The following MCM5 variants were observed in gnomAD, a reference collection of about 807,000 sequenced individuals.
MCM5 encodes DNA replication licensing factor MCM5.
A neutral mutation model predicts 79.9 loss-of-function variants in MCM5; 46 were observed. That is an observed-to-expected ratio of 0.58 (90% CI 0.45 to 0.74). The LOEUF (loss-of-function observed/expected upper bound fraction) is 0.74. Ranked by LOEUF, MCM5 falls within the 30% of genes least tolerant of loss-of-function variation. MCM5 has a pLI of 0.00. For missense variants in MCM5, 883 were observed against 1,017.0 expected (o/e 0.87, Z 1.79); for synonymous variants, 404 against 390.5 (o/e 1.03, Z -0.41).
downstream of MCM5, among the ~76,000 whole-genome samples, chr22:35,428,970 CTTTTTTTTT>C (rs35549972): frequency 3.4e-4 from 22 of 65,528 alleles, no homozygotes; most frequent in South Asian, 9.6e-3. Flanking sequence ...TTTCTTTGAC[CTTTTTTTTT>C]TTTTTTTTTT....
rs201459971 is a variant in MCM5 at position 35,419,988 on chromosome 22, G to A, written c.1808G>A (p.Arg603His). ...ARQHERDSDR[R>H]SSIPITVRQL... The stretch of plus-strand genomic sequence containing the variant: ...CAGCACGAGAGGGACAGTGACCGCC[G>A]CTCCAGCATCCCCATCACTGTGCGG... Residue 603 changes from arginine (R) to histidine (H), a missense_variant, in exon 14 of 17, where the codon CGC becomes CAC. Transcript: ENST00000216122. The A allele has an allele frequency of 8.7e-6, 14 of 1,611,920 alleles. No individual in the cohort carries two copies. In the African/African-American group the frequency reaches 1.3e-4, roughly 15 times the overall value.
rs1207970654 is a variant in MCM5, at chr22:35,424,144, G to A, written c.2104-10G>A. ...AGCACGTGCCGTTAGCCAGCCATGT[G>A]CTCCCACAGAAATACCCGGAGCACG... is the stretch of plus-strand genomic sequence containing the variant. On this transcript the variant is annotated splice_polypyrimidine_tract_variant and intron_variant, in intron 16 of 16. Coordinates refer to ENST00000216122, the MANE Select transcript of MCM5 (RefSeq NM_006739.4). The A allele has an allele frequency of 6.5e-7, 1 of 1,542,288 alleles. No individual in the cohort carries two copies. Among genetic ancestry groups the A allele is most frequent in the South Asian group, 1.2e-5 (1 of 83,532 alleles).
intron 16 of MCM5, 21 bp downstream of exon 16, chr22:35,423,362 G>C: frequency 6.3e-7 from 1 of 1,578,918 alleles, no homozygotes; most frequent in Non-Finnish European, 8.6e-7. Flanking sequence ...CTTGGAGTGG[G>C]GGTGTGAGCC....
At chr22:35,423,964 T>A (rs540027651) in intron 16 of MCM5, 190 bp from the exon 17 acceptor site, 1 of 548,036 alleles carries the variant, frequency 1.8e-6, no homozygotes, top group Non-Finnish European at 3.3e-6. Flanking sequence ...TCTTAATTGC[T>A]GTGACCTTGA....
At position 35,407,180 on chromosome 22, in the gene MCM5, C is replaced by T. The variant is rs118033997; in HGVS notation, c.596+455C>T. Among the ~76,000 whole-genome samples the T allele has an allele frequency of 3.5e-4, 54 of 152,266 alleles. No individual in the cohort carries two copies. The East Asian group carries it at 7.7e-3, about 22-fold the overall frequency. On this transcript the variant is annotated intron_variant, in intron 5 of 16. Transcript: ENST00000216122. ...GGCAGAACCTGGAATGCACATCCTC[C>T]GGCCCTTTCTAGAAAATGTTTGCTG... is the stretch of plus-strand genomic sequence containing the variant.
At chr22:35,453,809 T>G in the MCM5 span, among the ~76,000 whole-genome samples, 3 of 97,350 alleles carry the variant, frequency 3.1e-5, no homozygotes, top group East Asian at 8.2e-4. Flanking sequence ...GATATATATA[T>G]ATATATATAT....
At chr22:35,404,903 G>A (rs1190103403) in intron 4 of MCM5, among the ~76,000 whole-genome samples, 1 of 152,114 alleles carries the variant, frequency 6.6e-6, no homozygotes, top group Non-Finnish European at 1.5e-5. Flanking sequence ...TGGATCGGCT[G>A]AGAATTTATG....
At chr22:35,434,391 C>T in the MCM5 span, among the ~76,000 whole-genome samples, 2 of 152,186 alleles carry the variant, frequency 1.3e-5, no homozygotes, top group African/African-American at 4.8e-5. Flanking sequence ...GTAACCTGAA[C>T]TCCCCACCCT....
chr22:35,420,580 T>C (rs1259334553), intron 14 of MCM5, among the ~76,000 whole-genome samples: 1 of 152,218 alleles, frequency 6.6e-6, no homozygotes, highest in Non-Finnish European at 1.5e-5. Context: ...TGGAGGAAGA[T>C]GGTATGGGGA....
downstream of MCM5, among the ~76,000 whole-genome samples, chr22:35,425,906 G>T (rs1932776415): frequency 6.6e-6 from 1 of 152,136 alleles, no homozygotes; most frequent in Admixed American, 6.5e-5. Flanking sequence ...AGAGAGTCAA[G>T]TGTCACAGTG....
At chr22:35,442,609 C>T in the MCM5 span, among the ~76,000 whole-genome samples, 5 of 152,320 alleles carry the variant, frequency 3.3e-5, no homozygotes, top group Middle Eastern at 0.01. Context: ...TCTTCAAAGC[C>T]AGCACCCTCC....
intron 10 of MCM5, 114 bp from the exon 11 acceptor site, chr22:35,416,225 C>A: frequency 9.1e-7 from 1 of 1,102,754 alleles, no homozygotes; most frequent in Non-Finnish European, 1.4e-6. Context: ...CTGCCATTGG[C>A]CTTGCGTGGA....
chr22:35,408,366 C>T (rs1278733968), intron 5 of MCM5, 42 bp from the exon 6 acceptor site: 1 of 1,580,746 alleles, frequency 6.3e-7, no homozygotes, highest in Non-Finnish European at 8.7e-7. Flanking sequence ...CCTTTGGATT[C>T]TCCAGGTAGC....
chr22:35,433,852 T>C, the MCM5 span, among the ~76,000 whole-genome samples: 1 of 152,126 alleles, frequency 6.6e-6, no homozygotes, highest in African/African-American at 2.4e-5. Flanking sequence ...CCTCAAGCCC[T>C]GTCGGGGGCA....
In MCM5 at chr22:35,419,967, A is replaced by C; in HGVS notation, c.1787A>C (p.His596Pro). ...ATCATGCGGAGCGGGGCCCGTCAGCACGAGAGGGACAGTGACCGCCGCTCC... is the reference window on the plus strand; with the variant it reads ...ATCATGCGGAGCGGGGCCCGTCAGCCCGAGAGGGACAGTGACCGCCGCTCC... ...YIIMRSGARQ[H>P]ERDSDRRSSI... is the part of the protein sequence containing the mutation. Residue 596 changes from histidine to proline, a missense_variant, in exon 14 of 17, where the codon CAC (histidine) becomes CCC (proline). Physicochemically the swap from His to Pro is moderately conservative, Grantham distance 77. Transcript: ENST00000216122. 1 of 1,612,940 alleles carries C rather than the reference A, an allele frequency of 6.2e-7. No individual in the cohort carries two copies. Among genetic ancestry groups the C allele is most frequent in the East Asian group, 2.2e-5 (1 of 44,822 alleles).
intron 11 of MCM5, 85 bp from the exon 12 acceptor site, chr22:35,416,553 G>A: frequency 2.5e-6 from 2 of 794,676 alleles, no homozygotes; most frequent in Non-Finnish European, 3.9e-6. Flanking sequence ...GTGTGTGTGT[G>A]TGTGTGTGTG....
chr22:35,417,139 T>C (rs1932567415), intron 12 of MCM5, among the ~76,000 whole-genome samples: 1 of 152,156 alleles, frequency 6.6e-6, no homozygotes, highest in Non-Finnish European at 1.5e-5. Context: ...TCAGTTCTGG[T>C]TAGTAAATTT....
chr22:35,408,306 A>G, intron 5 of MCM5, 102 bp from the exon 6 acceptor site: 6 of 1,120,802 alleles, frequency 5.4e-6, no homozygotes, highest in Non-Finnish European at 7.7e-6. Context: ...ACCCCCATAA[A>G]TTGCCGCTGG....
Position 35,419,870 on chromosome 22 carries a change from C to A in MCM5, c.1704-14C>A. On this transcript the variant is annotated splice_polypyrimidine_tract_variant and intron_variant, in intron 13 of 16. Coordinates refer to ENST00000216122, the MANE Select transcript of MCM5 (RefSeq NM_006739.4). ...CTCCTGGCCTCACACCAGCCTCTCCCCACTGTCCTGCAGGAAGTGTGGCCC... is the reference window on the plus strand; with the variant it reads ...CTCCTGGCCTCACACCAGCCTCTCCACACTGTCCTGCAGGAAGTGTGGCCC... The A allele has an allele frequency of 6.2e-7, 1 of 1,603,872 alleles. No homozygotes were observed. Among genetic ancestry groups the A allele is most frequent in the South Asian group, 1.1e-5 (1 of 89,598 alleles).
Sources: allele counts gnomAD v4.1 joint callset (sites outside exome capture counted in the v4.1 genomes callset), GRCh38; gene constraint gnomAD v4.1.1; transcripts MANE v1.5; gene names NCBI Gene and HGNC (gene_info 2026-07-23, HGNC 2026-07-21).